Variants in RPS6KC1 observed in about 807,000 individuals in gnomAD.
The protein encoded by RPS6KC1 is inactive ribosomal protein S6 kinase delta-1.
In RPS6KC1, 54 loss-of-function variants were observed where a neutral mutation model predicts 103.8. The observed-to-expected ratio is 0.52, with a 90% confidence interval of 0.42 to 0.65. RPS6KC1 has a LOEUF of 0.65. Ranked by LOEUF, RPS6KC1 falls within the 30% of genes least tolerant of loss-of-function variation. The pLI is 0.00. For missense variants in RPS6KC1, 1,151 were observed against 1,253.8 expected (o/e 0.92, Z 1.24); for synonymous variants, 439 against 438.7 (o/e 1.00, Z -0.01).
the RPS6KC1 span, among the ~76,000 whole-genome samples, chr1:213,835,388 G>A: frequency 1.1e-3 from 167 of 152,280 alleles, 2 homozygotes; most frequent in East Asian, 0.025. Flanking sequence ...CTTAGGTAGG[G>A]AAGAGGCATC....
the RPS6KC1 span, among the ~76,000 whole-genome samples, chr1:213,602,959 A>T: frequency 6.6e-6 from 1 of 152,176 alleles, no homozygotes; most frequent in Admixed American, 6.5e-5. Flanking sequence ...GTGAGTAAAG[A>T]TGATGTGGTT....
intron 3 of RPS6KC1, among the ~76,000 whole-genome samples, chr1:213,102,512 T>C (rs894816383): frequency 2.0e-5 from 3 of 152,238 alleles, no homozygotes; most frequent in Admixed American, 6.5e-5. Flanking sequence ...CAGTATAATT[T>C]GTTTATATGC....
intron 6 of RPS6KC1, among the ~76,000 whole-genome samples, chr1:213,152,532 C>T (rs1385184976): frequency 2.0e-5 from 3 of 147,248 alleles, no homozygotes; most frequent in Admixed American, 1.3e-4. Flanking sequence ...ACGGGGCGGC[C>T]GGGTAGAGAT....
intron 14 of RPS6KC1, among the ~76,000 whole-genome samples, chr1:213,265,104 ATTC>A (rs1402835785): frequency 6.6e-6 from 1 of 152,216 alleles, no homozygotes; most frequent in East Asian, 1.9e-4. Flanking sequence ...TCTGTTGCCT[ATTC>A]TTCAGGAGAA....
At chr1:213,252,464 T>C (rs2094562892) in intron 12 of RPS6KC1, among the ~76,000 whole-genome samples, 1 of 152,214 alleles carries the variant, frequency 6.6e-6, no homozygotes, top group African/African-American at 2.4e-5. Flanking sequence ...CATTTCTAAT[T>C]GAACACTTAA....
the RPS6KC1 span, among the ~76,000 whole-genome samples, chr1:213,465,179 C>T: frequency 3.4e-4 from 52 of 152,266 alleles, no homozygotes; most frequent in East Asian, 9.1e-3. Context: ...AGTTCTGCTT[C>T]GCCTTCTTCC....
At chr1:213,098,255 A>G (rs2081651124) in intron 3 of RPS6KC1, among the ~76,000 whole-genome samples, 1 of 151,610 alleles carries the variant, frequency 6.6e-6, no homozygotes, top group Admixed American at 6.6e-5. Context: ...ATCTGGGACT[A>G]CAGGGGACTA....
chr1:213,784,809 C>G, the RPS6KC1 span, among the ~76,000 whole-genome samples: 1 of 152,176 alleles, frequency 6.6e-6, no homozygotes, highest in Non-Finnish European at 1.5e-5. Context: ...TAGCTTTTTC[C>G]CATCTGCTTC....
chr1:213,091,956 TTTC>T, intron 3 of RPS6KC1, among the ~76,000 whole-genome samples: 1 of 119,330 alleles, frequency 8.4e-6, no homozygotes, highest in Non-Finnish European at 2.1e-5. Context: ...TGGCATTACA[TTTC>T]TTTTTTTTTT....
At chr1:213,469,876 C>T in the RPS6KC1 span, among the ~76,000 whole-genome samples, 5 of 152,116 alleles carry the variant, frequency 3.3e-5, no homozygotes, top group East Asian at 1.9e-4. Context: ...AAAAATTAGA[C>T]GAGTGTGGTG....
chr1:213,740,170 A>T, the RPS6KC1 span, among the ~76,000 whole-genome samples: 4 of 152,208 alleles, frequency 2.6e-5, no homozygotes, highest in Non-Finnish European at 5.9e-5. Context: ...CAGTGGCCAT[A>T]TCAGGGCTTC....
At chr1:213,384,281 A>AT in the RPS6KC1 span, among the ~76,000 whole-genome samples, 169 of 141,026 alleles carry the variant, frequency 1.2e-3, no homozygotes, top group African/African-American at 5.0e-3. Context: ...ATCTCAAAAA[A>AT]AAATATATAT....
the RPS6KC1 span, among the ~76,000 whole-genome samples, chr1:213,659,077 G>A: frequency 6.6e-6 from 1 of 151,972 alleles, no homozygotes; most frequent in Admixed American, 6.6e-5. Context: ...CGATTCTCCT[G>A]TCACAGCCTC....
At chr1:213,470,451 T>A in the RPS6KC1 span, among the ~76,000 whole-genome samples, 1 of 152,170 alleles carries the variant, frequency 6.6e-6, no homozygotes, top group African/African-American at 2.4e-5. Flanking sequence ...ATGGATGATG[T>A]TCTGTGCATC....
At chr1:213,440,720 G>C in the RPS6KC1 span, among the ~76,000 whole-genome samples, 1 of 152,056 alleles carries the variant, frequency 6.6e-6, no homozygotes, top group African/African-American at 2.4e-5. Flanking sequence ...TGTCAGAATG[G>C]GTAGGATAGT....
chr1:213,183,302 C>A (rs1157732878), intron 8 of RPS6KC1, among the ~76,000 whole-genome samples: 1 of 152,052 alleles, frequency 6.6e-6, no homozygotes, highest in Non-Finnish European at 1.5e-5. Context: ...ATAATACCAT[C>A]AACCAACAAA....
the RPS6KC1 span, among the ~76,000 whole-genome samples, chr1:213,363,107 C>T: frequency 6.6e-6 from 1 of 152,356 alleles, no homozygotes; most frequent in South Asian, 2.1e-4. Context: ...CTATCAGCAG[C>T]ATCCTGCTCT....
chr1:213,511,169 G>A, the RPS6KC1 span, among the ~76,000 whole-genome samples: 5 of 141,850 alleles, frequency 3.5e-5, no homozygotes, highest in Non-Finnish European at 7.4e-5. Flanking sequence ...ATTTTAAAAT[G>A]TTGAGGAATG....
the RPS6KC1 span, among the ~76,000 whole-genome samples, chr1:213,654,197 A>G: frequency 6.6e-6 from 1 of 152,168 alleles, no homozygotes; most frequent in African/African-American, 2.4e-5. Context: ...ATATATTTCT[A>G]TCCCTGTCAG....
Sources: allele counts gnomAD v4.1 joint callset (sites outside exome capture counted in the v4.1 genomes callset), GRCh38; gene constraint gnomAD v4.1.1; transcripts MANE v1.5; gene names NCBI Gene and HGNC (gene_info 2026-07-23, HGNC 2026-07-21).